The following ZMAT4 variants were observed in gnomAD, a reference collection of about 807,000 sequenced individuals.
The protein encoded by ZMAT4 is zinc finger matrin-type 4.
A neutral mutation model predicts 28.7 loss-of-function variants in ZMAT4; 17 were observed. The observed-to-expected ratio is 0.59, with a 90% CI of 0.41 to 0.89. ZMAT4 has a LOEUF of 0.89. Ranked by LOEUF, ZMAT4 falls within the 40% of genes least tolerant of loss-of-function variation. The pLI, the probability that ZMAT4 is intolerant of heterozygous loss-of-function variation, is 0.00. For synonymous variants in ZMAT4, 117 were observed against 109.2 expected (o/e 1.07, Z -0.44); for missense variants, 240 against 283.8 (o/e 0.85, Z 1.11).
At chr8:40,629,445 G>T (rs977638838) in intron 5 of ZMAT4, among the ~76,000 whole-genome samples, 1 of 150,280 alleles carries the variant, frequency 6.7e-6, no homozygotes, top group African/African-American at 2.4e-5. Context: ...TAGGGTACAT[G>T]TGCACAACAT....
intron 1 of ZMAT4, among the ~76,000 whole-genome samples, chr8:40,829,997 G>C (rs1021877376): frequency 2.0e-5 from 3 of 152,110 alleles, no homozygotes. Context: ...AGAAAAAGAG[G>C]CTGGGGGAGA....
At chr8:40,877,129 A>G (rs1818067336) in intron 1 of ZMAT4, among the ~76,000 whole-genome samples, 1 of 152,218 alleles carries the variant, frequency 6.6e-6, no homozygotes, top group South Asian at 2.1e-4. Context: ...AGACACGCAT[A>G]GAGGGAAGAT....
At chr8:40,640,753 A>C (rs1466617216) in intron 5 of ZMAT4, among the ~76,000 whole-genome samples, 1 of 152,082 alleles carries the variant, frequency 6.6e-6, no homozygotes. Flanking sequence ...TGAGGTCAGG[A>C]GTTCAAGAGC....
intron 3 of ZMAT4, among the ~76,000 whole-genome samples, chr8:40,757,693 C>A (rs370704960): frequency 1.1e-4 from 16 of 152,034 alleles, no homozygotes; most frequent in African/African-American, 3.1e-4. Flanking sequence ...ATCAAATATC[C>A]TTGGAAGGGC....
At chr8:40,583,201 TTG>T (rs1741489192) in intron 5 of ZMAT4, among the ~76,000 whole-genome samples, 1 of 152,100 alleles carries the variant, frequency 6.6e-6, no homozygotes, top group African/African-American at 2.4e-5. Flanking sequence ...AAGTGGTAGA[TTG>T]GACTCTGTCA....
chr8:40,590,009 C>CTTCT (rs1804835210), intron 5 of ZMAT4, among the ~76,000 whole-genome samples: 2 of 127,082 alleles, frequency 1.6e-5, no homozygotes, highest in African/African-American at 5.9e-5. Context: ...TCCTTCCTTC[C>CTTCT]TTCCTTCCTT....
chr8:40,606,297 G>T (rs187353456), intron 5 of ZMAT4, among the ~76,000 whole-genome samples: 10 of 152,196 alleles, frequency 6.6e-5, no homozygotes, highest in Admixed American at 3.3e-4. Context: ...TTGTAAGGAG[G>T]TTCTATTCTG....
chr8:40,591,546 C>A (rs960074275), intron 5 of ZMAT4, among the ~76,000 whole-genome samples: 2 of 152,192 alleles, frequency 1.3e-5, no homozygotes, highest in Non-Finnish European at 2.9e-5. Flanking sequence ...ACCCCAGTAC[C>A]ATTTCTCTTT....
intron 3 of ZMAT4, among the ~76,000 whole-genome samples, chr8:40,713,454 A>C (rs1015300726): frequency 1.3e-5 from 2 of 152,124 alleles, no homozygotes; most frequent in Non-Finnish European, 2.9e-5. Flanking sequence ...GAAAAAAAAA[A>C]CAACATGAAG....
At chr8:40,657,356 C>A (rs1807972252) in intron 5 of ZMAT4, among the ~76,000 whole-genome samples, 1 of 70,142 alleles carries the variant, frequency 1.4e-5, no homozygotes, top group Non-Finnish European at 3.6e-5. Context: ...TCCAGTACTA[C>A]AGATGTGCTG....
intron 5 of ZMAT4, among the ~76,000 whole-genome samples, chr8:40,629,574 A>C (rs1331515001): frequency 9.1e-6 from 1 of 109,728 alleles, no homozygotes; most frequent in East Asian, 3.0e-4. Context: ...ACCCCACAAC[A>C]GGCCCCGGTG....
chr8:40,712,300 A>G (rs879734426), intron 3 of ZMAT4, among the ~76,000 whole-genome samples: 4 of 152,202 alleles, frequency 2.6e-5, no homozygotes, highest in Non-Finnish European at 5.9e-5. Context: ...AGAATAAGCT[A>G]CTGTTTTTAT....
Position 40,675,393 on chromosome 8 carries a change from A to ATACCTG in ZMAT4, c.350-463_350-462insCAGGTA, listed in dbSNP as rs1238756363. 1.7e-3 allele frequency among the ~76,000 whole-genome samples: 255 copies of ATACCTG among 152,308 alleles called. 3 individuals carry two copies. The highest frequency in any genetic ancestry group is 5.8e-3 in the African/African-American group (243 of 41,584). On this transcript the variant is annotated intron_variant, in intron 4 of 6. Coordinates refer to ENST00000297737, the MANE Select transcript of ZMAT4 (RefSeq NM_024645.3). Reference sequence around the variant, plus strand: ...AAAATGTAGTAAAATACAGGGGACAAGCTCAATGAGCCAGGTAAAACTTGA... The same window carrying ATACCTG: ...AAAATGTAGTAAAATACAGGGGACAATACCTGGCTCAATGAGCCAGGTAAAACTTGA...
intron 6 of ZMAT4, among the ~76,000 whole-genome samples, chr8:40,542,636 G>A (rs1052661696): frequency 1.6e-4 from 25 of 152,140 alleles, no homozygotes; most frequent in African/African-American, 5.1e-4. Context: ...TGATCCACCC[G>A]CTTCTGCCTC....
chr8:40,716,790 G>T (rs1313143933), intron 3 of ZMAT4, among the ~76,000 whole-genome samples: 1 of 152,194 alleles, frequency 6.6e-6, no homozygotes, highest in African/African-American at 2.4e-5. Context: ...GCTCCACGGA[G>T]GTTTCTAAAA....
chr8:40,771,621 T>C (rs941937391), intron 2 of ZMAT4, among the ~76,000 whole-genome samples: 10 of 152,240 alleles, frequency 6.6e-5, no homozygotes, highest in African/African-American at 1.4e-4. Context: ...TTCTGTTTCA[T>C]TGGAGTACTT....
intron 1 of ZMAT4, among the ~76,000 whole-genome samples, chr8:40,891,978 G>A (rs527546152): frequency 2.0e-5 from 3 of 152,244 alleles, no homozygotes; most frequent in Admixed American, 6.5e-5. Flanking sequence ...AGCTGGTCAC[G>A]GCCTCATTCT....
At chr8:40,668,584 A>T (rs764382495) in intron 5 of ZMAT4, among the ~76,000 whole-genome samples, 1 of 152,096 alleles carries the variant, frequency 6.6e-6, no homozygotes, top group African/African-American at 2.4e-5. Context: ...GCCACTAAGG[A>T]CACTTATTAG....
intron 5 of ZMAT4, among the ~76,000 whole-genome samples, chr8:40,669,005 G>A (rs1808560539): frequency 1.3e-5 from 2 of 152,072 alleles, no homozygotes; most frequent in South Asian, 4.1e-4. Flanking sequence ...ATAGGTCAGG[G>A]GGGTCAGGAA....
Sources: gnomAD v4.1 joint callset for allele counts (sites outside exome capture counted in the v4.1 genomes callset) on GRCh38, gnomAD v4.1.1 for gene constraint, MANE v1.5 for transcripts, NCBI Gene and HGNC (gene_info 2026-07-23, HGNC 2026-07-21) for gene names.